The following PABPC4L variants were observed in gnomAD, a reference collection of about 807,000 sequenced individuals.
PABPC4L encodes the protein polyadenylate-binding protein 4-like.
For missense variants in PABPC4L, 452 were observed against 451.4 expected (o/e 1.00, Z -0.01); for synonymous variants, 169 against 164.1 (o/e 1.03, Z -0.23).
the PABPC4L span, among the ~76,000 whole-genome samples, chr4:134,010,239 A>ACAACTGTCT: frequency 6.6e-6 from 1 of 152,194 alleles, no homozygotes. Context: ...AACCTGCTTT[A>ACAACTGTCT]CAACTGTCTA....
the PABPC4L span, among the ~76,000 whole-genome samples, chr4:133,970,030 T>G: frequency 6.8e-6 from 1 of 147,608 alleles, no homozygotes; most frequent in Non-Finnish European, 1.5e-5. Flanking sequence ...CAAAGAAATA[T>G]ATATATATTT....
the PABPC4L span, among the ~76,000 whole-genome samples, chr4:134,123,794 G>A: frequency 9.4e-4 from 143 of 151,534 alleles, no homozygotes; most frequent in Middle Eastern, 6.8e-3. Context: ...AGATGTGAGC[G>A]TATTTAGTAT....
At chr4:134,143,301 C>G in the PABPC4L span, among the ~76,000 whole-genome samples, 4 of 149,440 alleles carry the variant, frequency 2.7e-5, no homozygotes, top group African/African-American at 4.9e-5. Flanking sequence ...TATGTGTGTA[C>G]ATATGTAATA....
chr4:134,029,152 T>C, the PABPC4L span, among the ~76,000 whole-genome samples: 1 of 152,248 alleles, frequency 6.6e-6, no homozygotes, highest in African/African-American at 2.4e-5. Context: ...TTGTTTTCAA[T>C]ATATTTAACA....
the PABPC4L span, among the ~76,000 whole-genome samples, chr4:133,956,879 T>A: frequency 6.6e-6 from 1 of 152,138 alleles, no homozygotes; most frequent in East Asian, 1.9e-4. Context: ...TGAAAACTCA[T>A]TATCATAAGA....
At chr4:134,075,121 TG>T in the PABPC4L span, among the ~76,000 whole-genome samples, 3 of 152,332 alleles carry the variant, frequency 2.0e-5, no homozygotes, top group African/African-American at 7.2e-5. Context: ...GTCTAATGAC[TG>T]GATATTTCCA....
chr4:134,053,304 T>C, the PABPC4L span, among the ~76,000 whole-genome samples: 1 of 152,148 alleles, frequency 6.6e-6, no homozygotes, highest in Non-Finnish European at 1.5e-5. Flanking sequence ...TGATTATTCA[T>C]GTTGCTAAGC....
At chr4:134,060,318 A>C in the PABPC4L span, among the ~76,000 whole-genome samples, 15 of 152,040 alleles carry the variant, frequency 9.9e-5, no homozygotes, top group African/African-American at 3.1e-4. Flanking sequence ...CTGGGCTTAT[A>C]GTCAGTGGAC....
the PABPC4L span, among the ~76,000 whole-genome samples, chr4:133,998,885 C>T: frequency 6.6e-6 from 1 of 151,808 alleles, no homozygotes; most frequent in Non-Finnish European, 1.5e-5. Context: ...TTCTGCTTTC[C>T]ACTAAGTTGC....
the PABPC4L span, among the ~76,000 whole-genome samples, chr4:134,136,214 A>G: frequency 6.6e-6 from 1 of 152,084 alleles, no homozygotes; most frequent in Non-Finnish European, 1.5e-5. Context: ...ACAATCTCCC[A>G]TCCCACCCAG....
the PABPC4L span, among the ~76,000 whole-genome samples, chr4:134,042,100 T>A: frequency 6.6e-6 from 1 of 152,080 alleles, no homozygotes; most frequent in Non-Finnish European, 1.5e-5. Flanking sequence ...TATTACTGAG[T>A]CATAAGAAAG....
the PABPC4L span, among the ~76,000 whole-genome samples, chr4:134,110,987 A>G: frequency 1.4e-4 from 22 of 152,002 alleles, no homozygotes; most frequent in Non-Finnish European, 1.9e-4. Flanking sequence ...GCCTTAGTCC[A>G]TTTGTGCTGC....
rs1382551606 is a variant in PABPC4L, at chr4:134,199,867, C to T, written c.*40G>A. The T allele has an allele frequency of 9.1e-6, 14 of 1,542,576 alleles. No homozygotes were observed. Among genetic ancestry groups the T allele is most frequent in the Non-Finnish European group, 1.2e-5 (14 of 1,144,494 alleles). On this transcript the variant is annotated 3_prime_UTR_variant, in exon 2 of 2. Transcript: ENST00000421491. The stretch of plus-strand genomic sequence containing the variant: ...GGCAGAGATCACTATCATTCTCCCA[C>T]CTGCTGCAGATACTAGCTGGAAAGG...
the PABPC4L span, among the ~76,000 whole-genome samples, chr4:133,965,136 T>G: frequency 1.3e-5 from 2 of 152,044 alleles, no homozygotes; most frequent in African/African-American, 4.8e-5. Flanking sequence ...GATACAAGAT[T>G]AGTGTACACA....
the PABPC4L span, among the ~76,000 whole-genome samples, chr4:134,143,084 T>C: frequency 1.3e-5 from 2 of 151,434 alleles, no homozygotes. Context: ...CCTGGTATTT[T>C]AGAAACTATA....
chr4:133,951,078 A>T, the PABPC4L span, among the ~76,000 whole-genome samples: 1 of 151,972 alleles, frequency 6.6e-6, no homozygotes, highest in South Asian at 2.1e-4. Context: ...TTACATAAGG[A>T]TTGTTTTTTA....
At chr4:133,963,307 T>G in the PABPC4L span, among the ~76,000 whole-genome samples, 1 of 152,058 alleles carries the variant, frequency 6.6e-6, no homozygotes, top group Non-Finnish European at 1.5e-5. Flanking sequence ...CCTAAACATA[T>G]ATGCACCTAA....
chr4:134,158,650 GT>G, the PABPC4L span, among the ~76,000 whole-genome samples: 1 of 152,166 alleles, frequency 6.6e-6, no homozygotes, highest in African/African-American at 2.4e-5. Context: ...CTCAAAGAAT[GT>G]TTTTTCCTTT....
At chr4:134,042,143 G>A in the PABPC4L span, among the ~76,000 whole-genome samples, 1 of 152,204 alleles carries the variant, frequency 6.6e-6, no homozygotes, top group Admixed American at 6.6e-5. Context: ...GAACTTGGAT[G>A]ATACTGTAGT....
Sources: allele counts gnomAD v4.1 joint callset (sites outside exome capture counted in the v4.1 genomes callset), GRCh38; gene constraint gnomAD v4.1.1; transcripts MANE v1.5; gene names NCBI Gene and HGNC (gene_info 2026-07-23, HGNC 2026-07-21).